PTPN2: variants seen among roughly 807,000 people sequenced by gnomAD.
PTPN2 encodes tyrosine-protein phosphatase non-receptor type 2.
Under a neutral mutation model 57.3 loss-of-function variants are expected in PTPN2, and 19 were observed. The observed-to-expected ratio is 0.33, with a 90% CI of 0.23 to 0.49. The LOEUF is 0.49. Ranked by LOEUF, PTPN2 falls within the 20% of genes least tolerant of loss-of-function variation. The pLI is 0.99. For synonymous variants in PTPN2, 153 were observed against 164.9 expected, an observed-to-expected ratio of 0.93 and a Z score of 0.55; for missense variants, 358 against 501.1, an observed-to-expected ratio of 0.71 and a Z score of 2.73.
intron 3 of PTPN2, among the ~76,000 whole-genome samples, chr18:12,832,857 G>A (rs551621189): frequency 2.6e-5 from 4 of 152,262 alleles, no homozygotes; most frequent in African/African-American, 7.2e-5. Context: ...GCACGACCTC[G>A]GCTCACTGCA....
intron 7 of PTPN2, among the ~76,000 whole-genome samples, chr18:12,811,636 T>G (rs1482972123): frequency 6.6e-6 from 1 of 152,190 alleles, no homozygotes. Flanking sequence ...CTCGTGCCTA[T>G]GTTCAGCAAA....
At chr18:12,823,256 GC>G (rs1431999210) in intron 5 of PTPN2, among the ~76,000 whole-genome samples, 1 of 150,466 alleles carries the variant, frequency 6.6e-6, no homozygotes, top group Non-Finnish European at 1.5e-5. Flanking sequence ...ACAGTTGCTA[GC>G]AACTAAAACA....
chr18:12,872,516 C>T (rs1335583300), intron 1 of PTPN2, among the ~76,000 whole-genome samples: 2 of 152,126 alleles, frequency 1.3e-5, no homozygotes, highest in Non-Finnish European at 2.9e-5. Context: ...GAAAAGTATC[C>T]AACCTTGAGC....
chr18:12,873,011 A>C lies in PTPN2; in HGVS notation c.69+11062T>G, dbSNP rs533446298. ...CAAGGTGGGTGGATCACCTGAGGTC[A>C]GGAGTTCAAGACTGGCCCAGCCAAC... On this transcript the variant is annotated intron_variant, in intron 1 of 8. Transcript: ENST00000309660. Among the ~76,000 whole-genome samples, 26 of 152,334 alleles carry C rather than the reference A, an allele frequency of 1.7e-4. 1 individual carries two copies. In the South Asian group the frequency reaches 5.4e-3, roughly 32 times the overall value.
At chr18:12,874,610 A>G (rs1372521286) in intron 1 of PTPN2, among the ~76,000 whole-genome samples, 4 of 127,016 alleles carry the variant, frequency 3.1e-5, no homozygotes, top group Non-Finnish European at 4.9e-5. Flanking sequence ...CCGCCCGGCC[A>G]GCCGCCCCGT....
Position 12,817,195 on chromosome 18 carries a change from G to A in PTPN2, c.666C>T (p.Arg222=). The change falls in exon 6 of 9, where the codon CGC becomes CGT. Residue 222 remains arginine (R), a synonymous_variant. Transcript: ENST00000309660. ...TGTCTACCAGAGAGAAGGTGCCAGA[G>A]CGCCCAATGCCTGCACTACAGTGGA... ...AVIHCSAGIG[R]SGTFSLVDTC... 1 of 1,614,162 alleles carries A rather than the reference G, an allele frequency of 6.2e-7. No homozygotes were observed. Among genetic ancestry groups the A allele is most frequent in the South Asian group, 1.1e-5 (1 of 91,084 alleles).
rs556098987 is a variant in PTPN2 at position 12,861,865 on chromosome 18, T to C, written c.70-2611A>G. On this transcript the variant is annotated intron_variant, in intron 1 of 8. Transcript: ENST00000309660. ...TATTTTTAGCCCAGAGAAACACACT[T>C]CTTTGTGTGCACTATACAAAAGAGG... 7.2e-5 allele frequency among the ~76,000 whole-genome samples: 11 copies of C among 152,302 alleles called. No individual in the cohort carries two copies. The South Asian group carries it at 2.1e-3, about 29-fold the overall frequency.
chr18:12,882,732 A>G (rs983092270), intron 1 of PTPN2, among the ~76,000 whole-genome samples: 4 of 152,232 alleles, frequency 2.6e-5, no homozygotes, highest in Admixed American at 1.3e-4. Context: ...GGGAATCAGA[A>G]TATTTATACT....
chr18:12,815,283 G>A (rs1313269323), intron 6 of PTPN2, among the ~76,000 whole-genome samples: 1 of 151,380 alleles, frequency 6.6e-6, no homozygotes, highest in South Asian at 2.1e-4. Flanking sequence ...ATGGTGGTAC[G>A]CACTTGTAGT....
At chr18:12,839,970 C>G (rs2042990970) in intron 2 of PTPN2, among the ~76,000 whole-genome samples, 1 of 151,358 alleles carries the variant, frequency 6.6e-6, no homozygotes, top group African/African-American at 2.4e-5. Flanking sequence ...CCACAGCTTT[C>G]ACCAAATATA....
At chr18:12,870,485 A>AGAGAGAGAGAGG (rs2044225842) in intron 1 of PTPN2, among the ~76,000 whole-genome samples, 1 of 101,470 alleles carries the variant, frequency 9.9e-6, no homozygotes, top group African/African-American at 4.4e-5. Flanking sequence ...AGAGAGAGAG[A>AGAGAGAGAGAGG]GAGAGAGAGA....
chr18:12,793,233 G>T lies in PTPN2; in HGVS notation c.*1045C>A, dbSNP rs983205651. 16 of 973,404 alleles carry T rather than the reference G, an allele frequency of 1.6e-5. No homozygotes were observed. The highest frequency in any genetic ancestry group is 1.8e-5 in the Non-Finnish European group (15 of 819,110). 60.3% of individuals were successfully genotyped at this position (973,404 alleles called of 1,614,324 possible). A position where few individuals can be genotyped will look rare whatever the true frequency, so the allele number is the denominator to read the frequency against. On this transcript the variant is annotated 3_prime_UTR_variant, in exon 9 of 9. Transcript: ENST00000309660. ...GTTTGCTTTAAAAAATATTCATTAA[G>T]TTAAAATGACAATGTAAGGTTTGCA...
intron 1 of PTPN2, among the ~76,000 whole-genome samples, chr18:12,859,713 A>T (rs1313717632): frequency 1.3e-5 from 2 of 152,188 alleles, no homozygotes; most frequent in Non-Finnish European, 2.9e-5. Context: ...TAAATTTTGG[A>T]GTTTCTACCT....
chr18:12,862,578 A>G (rs2043851412), intron 1 of PTPN2: 1 of 70,466 alleles, frequency 1.4e-5, no homozygotes, highest in South Asian at 8.5e-4. Context: ...AATGGGAATA[A>G]GCAGAAACCA....
At chr18:12,818,079 T>A (rs546203900) in intron 5 of PTPN2, among the ~76,000 whole-genome samples, 7 of 151,882 alleles carry the variant, frequency 4.6e-5, no homozygotes, top group Non-Finnish European at 8.8e-5. Context: ...GAGGTGGAGG[T>A]TGCAGTGAGC....
chr18:12,801,892 T>C, intron 8 of PTPN2, 78 bp downstream of exon 8: 1 of 1,304,086 alleles, frequency 7.7e-7, no homozygotes, highest in Non-Finnish European at 1.1e-6. Flanking sequence ...CCTGAAATCC[T>C]ATGGCACCTG....
At chr18:12,802,953 T>C (rs1010312161) in intron 7 of PTPN2, among the ~76,000 whole-genome samples, 11 of 152,176 alleles carry the variant, frequency 7.2e-5, no homozygotes, top group African/African-American at 2.7e-4. Context: ...AATTACCAAA[T>C]TCAGAAAACT....
At chr18:12,818,448 T>C (rs1031862025) in intron 5 of PTPN2, among the ~76,000 whole-genome samples, 3 of 152,208 alleles carry the variant, frequency 2.0e-5, no homozygotes, top group Non-Finnish European at 4.4e-5. Flanking sequence ...ATGTTTCCTG[T>C]CTCTTAAGCC....
intron 7 of PTPN2, among the ~76,000 whole-genome samples, chr18:12,811,561 T>C (rs2041890246): frequency 2.6e-5 from 4 of 152,204 alleles, no homozygotes; most frequent in South Asian, 4.1e-4. Flanking sequence ...GCCATGGCTA[T>C]GTTCAGCAAA....
Sources: allele counts gnomAD v4.1 joint callset (sites outside exome capture counted in the v4.1 genomes callset), GRCh38; gene constraint gnomAD v4.1.1; transcripts MANE v1.5; gene names NCBI Gene and HGNC (gene_info 2026-07-23, HGNC 2026-07-21).